The following CELF4 variants were observed in gnomAD, a reference collection of about 807,000 sequenced individuals.
CELF4 encodes CUG-BP- and ETR-3-like factor 4.
Under a neutral mutation model 59.9 loss-of-function variants are expected in CELF4, and 18 were observed. The ratio of observed to expected loss-of-function variants is 0.30; its 90% confidence interval spans 0.21 to 0.45. The LOEUF is 0.45. CELF4 is among the 20% of genes least tolerant of loss of function. CELF4 has a pLI of 1.00. For missense variants in CELF4, 456 were observed against 689.0 expected, an observed-to-expected ratio of 0.66 and a Z score of 3.79; for synonymous variants, 261 against 267.1, an observed-to-expected ratio of 0.98 and a Z score of 0.22.
At chr18:37,259,022 A>G in intron 11 of CELF4, 159 bp downstream of exon 11, 2 of 1,051,666 alleles carry the variant, frequency 1.9e-6, no homozygotes, top group East Asian at 2.6e-5. Context: ...GGGCGGGGGC[A>G]ATGTGAAGGA....
At chr18:37,458,900 T>G (rs531287528) in intron 2 of CELF4, among the ~76,000 whole-genome samples, 1 of 152,372 alleles carries the variant, frequency 6.6e-6, no homozygotes, top group South Asian at 2.1e-4. Context: ...CCAGTTACTC[T>G]TTGTAGAATC....
intron 11 of CELF4, among the ~76,000 whole-genome samples, chr18:37,258,702 A>T (rs2071965220): frequency 6.6e-6 from 1 of 152,060 alleles, no homozygotes; most frequent in Admixed American, 6.5e-5. Context: ...TGGCTAGGTG[A>T]CTGCCCTGCC....
intron 3 of CELF4, among the ~76,000 whole-genome samples, chr18:37,280,548 C>A (rs933965944): frequency 1.3e-5 from 2 of 152,134 alleles, no homozygotes; most frequent in African/African-American, 4.8e-5. Context: ...GGGATGAAGG[C>A]CAGAAGAGGC....
intron 3 of CELF4, among the ~76,000 whole-genome samples, chr18:37,304,066 G>A (rs2096250111): frequency 1.3e-5 from 2 of 152,192 alleles, no homozygotes; most frequent in African/African-American, 4.8e-5. Context: ...CATCAGTTGT[G>A]CTCTGAATTT....
At chr18:37,390,191 G>A (rs1301353105) in intron 2 of CELF4, among the ~76,000 whole-genome samples, 1 of 152,174 alleles carries the variant, frequency 6.6e-6, no homozygotes, top group Non-Finnish European at 1.5e-5. Flanking sequence ...CGCCACATGG[G>A]AGCCTGCAGC....
At chr18:37,565,174 C>T (rs932944019) in intron 1 of CELF4, among the ~76,000 whole-genome samples, 182 bp downstream of exon 1, 1 of 152,178 alleles carries the variant, frequency 6.6e-6, no homozygotes, top group South Asian at 2.1e-4. Context: ...CCCAGTCTTG[C>T]CCCAGCGAAC....
intron 3 of CELF4, among the ~76,000 whole-genome samples, chr18:37,316,361 TG>T (rs2096870321): frequency 2.6e-5 from 4 of 152,192 alleles, no homozygotes; most frequent in Non-Finnish European, 5.9e-5. Flanking sequence ...AGTGTGCTTT[TG>T]GGGATAACTG....
At chr18:37,451,475 G>A (rs2099763733) in intron 2 of CELF4, among the ~76,000 whole-genome samples, 1 of 152,156 alleles carries the variant, frequency 6.6e-6, no homozygotes, top group Admixed American at 6.5e-5. Context: ...ATGCAGGTAT[G>A]TACCCATGTG....
At chr18:37,379,908 G>C (rs935201730) in intron 2 of CELF4, among the ~76,000 whole-genome samples, 3 of 152,132 alleles carry the variant, frequency 2.0e-5, no homozygotes, top group Admixed American at 6.5e-5. Flanking sequence ...CCTCAGTGAG[G>C]GAGGCCAAGA....
chr18:37,376,435 C>T (rs980111172), intron 2 of CELF4, among the ~76,000 whole-genome samples: 2 of 152,200 alleles, frequency 1.3e-5, no homozygotes, highest in Admixed American at 1.3e-4. Context: ...CCCTGCAAAC[C>T]CTGCATCCAT....
intron 1 of CELF4, among the ~76,000 whole-genome samples, chr18:37,503,954 C>T (rs2099934626): frequency 6.6e-6 from 1 of 152,178 alleles, no homozygotes; most frequent in Admixed American, 6.5e-5. Context: ...AAGAAGCAAC[C>T]AGATTCAGGG....
chr18:37,449,938 C>G (rs116711893), intron 2 of CELF4, among the ~76,000 whole-genome samples: 2,364 of 152,292 alleles, frequency 0.016, 55 homozygotes, highest in African/African-American at 0.054. Context: ...GCCATGAGCC[C>G]AGGACAGGCA....
intron 10 of CELF4, among the ~76,000 whole-genome samples, chr18:37,259,844 G>A (rs2073173846): frequency 6.6e-6 from 1 of 152,182 alleles, no homozygotes; most frequent in South Asian, 2.1e-4. Context: ...ACACACCCAG[G>A]AAACCAAGAT....
intron 1 of CELF4, among the ~76,000 whole-genome samples, chr18:37,536,484 T>A (rs774329228): frequency 1.8e-4 from 28 of 152,238 alleles, no homozygotes; most frequent in East Asian, 7.7e-4. Context: ...CGGCAAGGGG[T>A]CCCCAGCTAC....
chr18:37,273,214 TC>T (rs1275579598), intron 6 of CELF4, 51 bp from the exon 7 acceptor site: 2 of 1,575,604 alleles, frequency 1.3e-6, no homozygotes, highest in African/African-American at 2.7e-5. Flanking sequence ...GGGGCATCCC[TC>T]CCCGACAGGG....
intron 3 of CELF4, among the ~76,000 whole-genome samples, chr18:37,300,423 C>T (rs912687070): frequency 2.0e-5 from 3 of 152,122 alleles, no homozygotes; most frequent in East Asian, 1.9e-4. Context: ...CAGGGTTTCA[C>T]CACATTGGCC....
chr18:37,300,345 C>T lies in CELF4; in HGVS notation c.448+21458G>A, dbSNP rs1004072352. Among the ~76,000 whole-genome samples, 25 of 152,290 alleles carry T rather than the reference C, an allele frequency of 1.6e-4. 1 individual carries two copies. The highest frequency in any genetic ancestry group is 1.6e-3 in the Admixed American group (25 of 15,304). ...GCTCAAGCGATTCTCCTGCCTCAGCCTCCTGAGTAGCTGGGATTACAGGCA... is the reference window on the plus strand; with the variant it reads ...GCTCAAGCGATTCTCCTGCCTCAGCTTCCTGAGTAGCTGGGATTACAGGCA... On this transcript the variant is annotated intron_variant, in intron 3 of 12. Coordinates refer to ENST00000420428, the MANE Select transcript of CELF4 (RefSeq NM_020180.4).
intron 3 of CELF4, among the ~76,000 whole-genome samples, chr18:37,320,769 C>T (rs903932212): frequency 2.0e-5 from 3 of 152,248 alleles, no homozygotes; most frequent in Non-Finnish European, 2.9e-5. Context: ...AAGGACAATG[C>T]CCTTCTCCCA....
chr18:37,485,176 C>G (rs1169795904), intron 2 of CELF4, among the ~76,000 whole-genome samples: 1 of 152,106 alleles, frequency 6.6e-6, no homozygotes, highest in Non-Finnish European at 1.5e-5. Context: ...CCTCCTCCCC[C>G]ACTAGAGCGG....
Sources: allele counts gnomAD v4.1 joint callset (sites outside exome capture counted in the v4.1 genomes callset), GRCh38; gene constraint gnomAD v4.1.1; transcripts MANE v1.5; gene names NCBI Gene and HGNC (gene_info 2026-07-23, HGNC 2026-07-21).